The following PPIG variants were observed in gnomAD, a reference collection of about 807,000 sequenced individuals.
The protein encoded by PPIG is peptidylprolyl isomerase G, also known as peptidyl-prolyl cis-trans isomerase G.
A neutral mutation model predicts 87.9 loss-of-function variants in PPIG; 26 were observed. The observed-to-expected ratio is 0.30, with a 90% CI of 0.22 to 0.41. The LOEUF is 0.41. PPIG is among the 10% of genes least tolerant of loss of function. PPIG has a pLI of 1.00. For synonymous variants in PPIG, 308 were observed against 276.5 expected (o/e 1.11, Z -1.13); for missense variants, 722 against 879.4 (o/e 0.82, Z 2.26).
At chr2:169,636,360 T>G (rs1461124262) in intron 13 of PPIG, 53 bp from the exon 14 acceptor site, 7 of 1,473,180 alleles carry the variant, frequency 4.8e-6, no homozygotes, top group Non-Finnish European at 6.3e-6. Context: ...GCTAATAATA[T>G]CTACAGTTCT....
At chr2:169,610,412 A>T (rs1685453077) in intron 7 of PPIG, among the ~76,000 whole-genome samples, 1 of 152,164 alleles carries the variant, frequency 6.6e-6, no homozygotes, top group Admixed American at 6.5e-5. Flanking sequence ...TGATTCACTC[A>T]AAATGTGTTA....
At chr2:169,606,009 A>C in intron 4 of PPIG, 30 bp from the exon 5 acceptor site, 1 of 1,499,444 alleles carries the variant, frequency 6.7e-7, no homozygotes. Flanking sequence ...TTTCCTTTCT[A>C]TTAAATGTCC....
At chr2:169,616,016 A>G (rs1422751983) in intron 9 of PPIG, among the ~76,000 whole-genome samples, 2 of 152,110 alleles carry the variant, frequency 1.3e-5, no homozygotes, top group Non-Finnish European at 2.9e-5. Context: ...ACCTGCAGAC[A>G]GACCCTGGTG....
At chr2:169,606,584 T>A (rs1685332633) in intron 5 of PPIG, among the ~76,000 whole-genome samples, 1 of 18,982 alleles carries the variant, frequency 5.3e-5, no homozygotes, top group East Asian at 3.1e-3. Flanking sequence ...AGAGCAAGAC[T>A]CTGTCTCAAA....
chr2:169,639,220 T>C lies in PPIG; in HGVS notation c.*1697T>C, dbSNP rs1686258255. 1 of 152,038 alleles carries C rather than the reference T, an allele frequency of 6.6e-6. No homozygotes were observed. The highest frequency in any genetic ancestry group is 1.5e-5 in the Non-Finnish European group (1 of 67,924). The allele number at this position is 152,038 out of a possible 1,614,324, so 9.4% of individuals were successfully genotyped here. On this transcript the variant is annotated 3_prime_UTR_variant, in exon 14 of 14. Transcript: ENST00000260970. ...ATGTTTATTATAAAATCCAAGGTGA[T>C]TGATTCCTTAGAGACTGACCACAAA... is the stretch of plus-strand genomic sequence containing the variant.
intron 12 of PPIG, chr2:169,633,476 G>T: frequency 3.7e-6 from 2 of 547,770 alleles, no homozygotes; most frequent in Non-Finnish European, 6.3e-6. Flanking sequence ...TATAAAATGG[G>T]ATCGAGGTCT....
chr2:169,592,755 C>A (rs537748598), intron 1 of PPIG, among the ~76,000 whole-genome samples: 35 of 151,948 alleles, frequency 2.3e-4, no homozygotes, highest in African/African-American at 8.4e-4. Flanking sequence ...ATTTAATAAT[C>A]GAGGAAATCA....
At chr2:169,616,698 G>GT (rs201387266) in intron 9 of PPIG, among the ~76,000 whole-genome samples, 4,141 of 152,114 alleles carry the variant, frequency 0.027, 78 homozygotes, top group East Asian at 0.1. Context: ...GGGGTGGTTT[G>GT]TTTTTTTCTT....
intron 5 of PPIG, among the ~76,000 whole-genome samples, chr2:169,606,590 T>TAAAAAAAAAAA (rs1360012419): frequency 1.0e-4 from 1 of 9,998 alleles, no homozygotes; most frequent in Non-Finnish European, 2.0e-4. Flanking sequence ...AGACTCTGTC[T>TAAAAAAAAAAA]CAAAAAAAAA....
Position 169,633,899 on chromosome 2 carries a change from C to T in PPIG, c.1017+652C>T, listed in dbSNP as rs188580817. Among the ~76,000 whole-genome samples the T allele has an allele frequency of 3.0e-3, 455 of 149,324 alleles. 3 individuals carry two copies. The highest frequency in any genetic ancestry group is 5.5e-3 in the Non-Finnish European group (372 of 67,468). ...AGACTGGAGTGCAGTGGCATGATCT[C>T]GGCTCACTTTAACCTCTGCCTCCCA... is the stretch of plus-strand genomic sequence containing the variant. On this transcript the variant is annotated intron_variant, in intron 12 of 13. Coordinates refer to ENST00000260970, the MANE Select transcript of PPIG (RefSeq NM_004792.3).
intron 1 of PPIG, among the ~76,000 whole-genome samples, chr2:169,601,073 TAAAAG>T (rs1685167667): frequency 6.6e-6 from 1 of 152,228 alleles, no homozygotes; most frequent in Non-Finnish European, 1.5e-5. Context: ...TTTATGGTGT[TAAAAG>T]AAATACTTAT....
chr2:169,620,056 T>G (rs1685703511), intron 9 of PPIG, among the ~76,000 whole-genome samples: 1 of 152,180 alleles, frequency 6.6e-6, no homozygotes, highest in Non-Finnish European at 1.5e-5. Context: ...GATTGTTTCT[T>G]TGGCTGTGCA....
intron 9 of PPIG, among the ~76,000 whole-genome samples, chr2:169,619,656 A>C (rs1202504424): frequency 6.6e-6 from 1 of 150,828 alleles, no homozygotes; most frequent in Non-Finnish European, 1.5e-5. Flanking sequence ...TTTTGAGGAG[A>C]CTTCATTCGG....
At chr2:169,620,207 C>A (rs1685708043) in intron 9 of PPIG, among the ~76,000 whole-genome samples, 1 of 151,970 alleles carries the variant, frequency 6.6e-6, no homozygotes, top group African/African-American at 2.4e-5. Flanking sequence ...AGTGGTTTTA[C>A]AGTTGCAAGT....
At chr2:169,605,538 T>A (rs902498023) in intron 4 of PPIG, among the ~76,000 whole-genome samples, 1 of 151,474 alleles carries the variant, frequency 6.6e-6, no homozygotes, top group African/African-American at 2.4e-5. Flanking sequence ...TGGTGGCCCA[T>A]GCCTGTAATC....
rs942984314 is a variant in PPIG, at chr2:169,636,174, A to T, written c.1100A>T (p.Gln367Leu). The T allele has an allele frequency of 6.2e-7, 1 of 1,613,100 alleles. No individual in the cohort carries two copies. Among genetic ancestry groups the T allele is most frequent in the African/African-American group, 1.3e-5 (1 of 75,000 alleles). ...ETPPHWRQEM[Q>L]RAQRMRVSSG... ...CCTCCACATTGGAGGCAAGAGATGC[A>T]GAGAGCTCAAAGAATGAGGGTATCA... The change falls in exon 13 of 14, where the codon CAG (glutamine) becomes CTG (leucine). Residue 367 changes from glutamine to leucine, a missense_variant. Coordinates refer to ENST00000260970, the MANE Select transcript of PPIG (RefSeq NM_004792.3).
At chr2:169,603,519 CTA>C (rs1685241824) in intron 1 of PPIG, 121 bp from the exon 2 acceptor site, 1 of 10,134 alleles carries the variant, frequency 9.9e-5, no homozygotes, top group South Asian at 3.5e-3. Context: ...AGTATATTAA[CTA>C]TATACTATTT....
intron 9 of PPIG, among the ~76,000 whole-genome samples, chr2:169,627,169 G>T (rs974675607): frequency 1.3e-5 from 2 of 152,114 alleles, no homozygotes; most frequent in Admixed American, 1.3e-4. Context: ...TGCAATCTTG[G>T]CTTACTGCAA....
chr2:169,605,981 G>A (rs1339186203), intron 4 of PPIG, 58 bp from the exon 5 acceptor site: 2 of 1,211,628 alleles, frequency 1.7e-6, no homozygotes, highest in Admixed American at 3.7e-5. Flanking sequence ...CATTTATTTT[G>A]CTTTCATACT....
Sources: allele counts gnomAD v4.1 joint callset (sites outside exome capture counted in the v4.1 genomes callset), GRCh38; gene constraint gnomAD v4.1.1; transcripts MANE v1.5; gene names NCBI Gene and HGNC (gene_info 2026-07-23, HGNC 2026-07-21).